DIP2C: variants seen among roughly 807,000 people sequenced by gnomAD.
DIP2C encodes the protein DIP2 acetate--CoA ligase C (putative).
In DIP2C, 33 loss-of-function variants were observed where a neutral mutation model predicts 192.4. The ratio of observed to expected loss-of-function variants is 0.17; its 90% CI spans 0.13 to 0.23. DIP2C has a LOEUF of 0.23. DIP2C is among the 10% of genes least tolerant of loss of function. The probability of loss-of-function intolerance (pLI) is 1.00; values close to 1 mark genes in which losing one functional copy is unlikely to be tolerated. For missense variants in DIP2C, 1,537 were observed against 2,110.1 expected (o/e 0.73, Z 5.32); for synonymous variants, 979 against 864.1 (o/e 1.13, Z -2.33).
intron 28 of DIP2C, among the ~76,000 whole-genome samples, chr10:343,734 C>G (rs1471644882): frequency 2.6e-5 from 4 of 152,326 alleles, no homozygotes; most frequent in South Asian, 2.1e-4. Context: ...CTAGAGCAAG[C>G]CTGCCCTGAA....
At chr10:618,032 ACT>A (rs921213891) in intron 1 of DIP2C, among the ~76,000 whole-genome samples, 8 of 152,010 alleles carry the variant, frequency 5.3e-5, no homozygotes, top group South Asian at 2.1e-4. Flanking sequence ...GTACTGTCCC[ACT>A]CTGTGATTGT....
chr10:455,228 T>G (rs1482543146), intron 3 of DIP2C, among the ~76,000 whole-genome samples: 1 of 152,138 alleles, frequency 6.6e-6, no homozygotes, highest in Non-Finnish European at 1.5e-5. Flanking sequence ...CCCATTTCCC[T>G]GGGTGCAAAT....
chr10:280,925 A>C (rs947917855), intron 36 of DIP2C, among the ~76,000 whole-genome samples: 3 of 152,194 alleles, frequency 2.0e-5, no homozygotes, highest in African/African-American at 7.2e-5. Flanking sequence ...GTAAATTAAA[A>C]ACCAAACAAT....
chr10:427,388 T>C (rs904139110), intron 4 of DIP2C, among the ~76,000 whole-genome samples: 2 of 152,198 alleles, frequency 1.3e-5, no homozygotes, highest in Non-Finnish European at 2.9e-5. Context: ...AAAATCCCTT[T>C]TACCACTTAA....
At chr10:337,272 G>GTGTGTGTGTTCTGTGGAGGCCCAGGCAGC (rs1957862108) in intron 29 of DIP2C, among the ~76,000 whole-genome samples, 11 of 148,134 alleles carry the variant, frequency 7.4e-5, no homozygotes, top group Non-Finnish European at 1.5e-4. Context: ...AGGCTGATGT[G>GTGTGTGTGTTCTGTGGAGGCCCAGGCAGC]TGTGTGTGTT....
intron 1 of DIP2C, among the ~76,000 whole-genome samples, chr10:497,926 C>T (rs1198216581): frequency 6.6e-6 from 1 of 152,216 alleles, no homozygotes; most frequent in Non-Finnish European, 1.5e-5. Context: ...TGCTGGAGTG[C>T]AGTGGTGCAG....
chr10:366,001 C>A lies in DIP2C; in HGVS notation c.2268+274G>T, dbSNP rs79680671. Among the ~76,000 whole-genome samples the A allele has an allele frequency of 9.4e-3, 1,427 of 152,340 alleles. 20 individuals carry two copies. Among genetic ancestry groups the A allele is most frequent in the African/African-American group, 0.031 (1,273 of 41,566 alleles). On this transcript the variant is annotated intron_variant, in intron 19 of 36. Coordinates refer to ENST00000280886, the MANE Select transcript of DIP2C (RefSeq NM_014974.3). The stretch of plus-strand genomic sequence containing the variant: ...ACACAAGTGCACGTTCAATAATGAT[C>A]CACTTTTCACAGTAAAAGTGAGAAA...
At chr10:392,711 G>A (rs931164423) in intron 10 of DIP2C, among the ~76,000 whole-genome samples, 2 of 146,878 alleles carry the variant, frequency 1.4e-5, no homozygotes, top group Non-Finnish European at 3.0e-5. Context: ...TACGTGCCCA[G>A]GTACACACGC....
chr10:633,319 A>T (rs1446544429), intron 1 of DIP2C, among the ~76,000 whole-genome samples: 1 of 152,228 alleles, frequency 6.6e-6, no homozygotes, highest in Non-Finnish European at 1.5e-5. Flanking sequence ...GAGCAGAGAG[A>T]GAAAACGTCC....
intron 1 of DIP2C, among the ~76,000 whole-genome samples, chr10:499,269 C>A (rs1356737007): frequency 1.3e-5 from 2 of 152,196 alleles, no homozygotes; most frequent in Non-Finnish European, 2.9e-5. Flanking sequence ...GTTGGCAGCG[C>A]AGCCCTGACA....
chr10:413,650 T>G (rs1020201236), intron 8 of DIP2C, among the ~76,000 whole-genome samples: 3 of 152,204 alleles, frequency 2.0e-5, no homozygotes, highest in African/African-American at 7.2e-5. Context: ...TAACAGACAC[T>G]GAGCTTTGTG....
At chr10:531,478 T>C (rs1847367623) in intron 1 of DIP2C, among the ~76,000 whole-genome samples, 1 of 152,138 alleles carries the variant, frequency 6.6e-6, no homozygotes, top group Non-Finnish European at 1.5e-5. Context: ...TGTTAACAAC[T>C]ATTGCTACAA....
At chr10:589,204 G>C (rs965658817) in intron 1 of DIP2C, among the ~76,000 whole-genome samples, 9 of 152,260 alleles carry the variant, frequency 5.9e-5, no homozygotes, top group African/African-American at 2.2e-4. Context: ...CATGAGCTTT[G>C]GGAGTCCTGT....
chr10:393,442 A>C (rs1374127323), intron 10 of DIP2C, among the ~76,000 whole-genome samples: 6 of 152,184 alleles, frequency 3.9e-5, no homozygotes, highest in Admixed American at 2.6e-4. Flanking sequence ...AGGTCCATGA[A>C]AAGGTGCTCC....
At chr10:392,403 G>A (rs1340466411) in intron 10 of DIP2C, among the ~76,000 whole-genome samples, 6 of 152,168 alleles carry the variant, frequency 3.9e-5, no homozygotes, top group Non-Finnish European at 5.9e-5. Context: ...GGTAGTGTCC[G>A]CCCGTGATTT....
chr10:550,986 G>A (rs544154214), intron 1 of DIP2C, among the ~76,000 whole-genome samples: 1 of 150,858 alleles, frequency 6.6e-6, no homozygotes, highest in African/African-American at 2.4e-5. Context: ...TACCTGATGC[G>A]AACTGTGCAC....
chr10:536,160 TC>T (rs1257283080), intron 1 of DIP2C, among the ~76,000 whole-genome samples: 1 of 152,180 alleles, frequency 6.6e-6, no homozygotes, highest in Non-Finnish European at 1.5e-5. Context: ...CCTTGCTACC[TC>T]CTCCAGCATG....
Position 561,813 on chromosome 10 carries a change from C to T in DIP2C, c.86-75283G>A, listed in dbSNP as rs181317428. Reference sequence around the variant, plus strand: ...GTTTTCGCCATTGTGAAGGCAAATACTCATGAAATTAATACACTTTTTCCT... The same window carrying T: ...GTTTTCGCCATTGTGAAGGCAAATATTCATGAAATTAATACACTTTTTCCT... On this transcript the variant is annotated intron_variant, in intron 1 of 36. Transcript: ENST00000280886. Among the ~76,000 whole-genome samples the T allele has an allele frequency of 1.1e-3, 167 of 152,354 alleles. 1 individual carries two copies. Among genetic ancestry groups the T allele is most frequent in the Admixed American group, 2.9e-3 (45 of 15,310 alleles).
chr10:281,442 G>T, intron 35 of DIP2C, 119 bp from the exon 36 acceptor site: 1 of 1,373,246 alleles, frequency 7.3e-7, no homozygotes, highest in Non-Finnish European at 9.6e-7. Flanking sequence ...AAAGGAAGGG[G>T]CTCACGGATC....
Sources: allele counts gnomAD v4.1 joint callset (sites outside exome capture counted in the v4.1 genomes callset), GRCh38; gene constraint gnomAD v4.1.1; transcripts MANE v1.5; gene names NCBI Gene and HGNC (gene_info 2026-07-23, HGNC 2026-07-21).